The following HHIP variants were observed in gnomAD, a reference collection of about 807,000 sequenced individuals.
The protein encoded by HHIP is hedgehog interacting protein.
HHIP carries 12 observed loss-of-function variants against 74.0 expected under a neutral mutation model. The ratio of observed to expected loss-of-function variants is 0.16; its 90% CI spans 0.10 to 0.26. HHIP has a LOEUF of 0.26. HHIP is among the 10% of genes least tolerant of loss of function. The pLI is 1.00. For missense variants in HHIP, 788 were observed against 845.0 expected (o/e 0.93, Z 0.84); for synonymous variants, 309 against 311.6 (o/e 0.99, Z 0.09).
At chr4:144,666,027 A>C (rs531967153) in intron 4 of HHIP, among the ~76,000 whole-genome samples, 33 of 152,336 alleles carry the variant, frequency 2.2e-4, no homozygotes, top group African/African-American at 7.9e-4. Context: ...TGCCGTCTTT[A>C]AAGGGCATCT....
chr4:144,693,376 G>A (rs1729726259), intron 4 of HHIP, among the ~76,000 whole-genome samples: 1 of 151,852 alleles, frequency 6.6e-6, no homozygotes, highest in East Asian at 1.9e-4. Context: ...CTCAAATTCT[G>A]TCCTTTGATC....
At chr4:144,726,294 C>T (rs566827065) in intron 11 of HHIP, among the ~76,000 whole-genome samples, 1 of 152,136 alleles carries the variant, frequency 6.6e-6, no homozygotes, top group Non-Finnish European at 1.5e-5. Flanking sequence ...TTTCTGATTT[C>T]ATTAAGTCCT....
At chr4:144,726,499 A>C (rs1446734274) in intron 11 of HHIP, among the ~76,000 whole-genome samples, 1 of 152,228 alleles carries the variant, frequency 6.6e-6, no homozygotes, top group African/African-American at 2.4e-5. Context: ...TGAAACAAAA[A>C]TACTGTACCA....
chr4:144,658,651 G>C (rs367613522), intron 2 of HHIP, 139 bp from the exon 3 acceptor site: 4 of 660,300 alleles, frequency 6.1e-6, no homozygotes, highest in Non-Finnish European at 9.9e-6. Context: ...TTACAGGACT[G>C]TTTTTATTTC....
chr4:144,706,617 C>G lies in HHIP; in HGVS notation c.918C>G (p.Asn306Lys), dbSNP rs199625358. The G allele has an allele frequency of 6.2e-7, 1 of 1,613,718 alleles. No individual in the cohort carries two copies. Residue 306 changes from asparagine (N) to lysine (K), a missense_variant, in exon 5 of 13, where the codon AAC becomes AAG. Asn to Lys is a moderately conservative substitution (Grantham distance 94). Around this residue, in one of 3 missense-constraint regions of HHIP, gnomAD observed 373 missense variants for 366.4 expected, o/e 1.02. Coordinates refer to ENST00000296575, the MANE Select transcript of HHIP (RefSeq NM_022475.3). Reference sequence around the variant, plus strand: ...AGTTGTATGTGTCCTATACCACCAACCAAGAACGGTGGGCTATCGGGCCTC... The same window carrying G: ...AGTTGTATGTGTCCTATACCACCAAGCAAGAACGGTGGGCTATCGGGCCTC... ...NGKLYVSYTTNQERWAIGPHD... is the reference protein window; with the variant it reads ...NGKLYVSYTTKQERWAIGPHD...
rs1731313294 is a variant in HHIP at position 144,743,267 on chromosome 4, G to A, written c.*5310G>A. 1 of 151,208 alleles carries A rather than the reference G, an allele frequency of 6.6e-6. No individual in the cohort carries two copies. The highest frequency in any genetic ancestry group is 1.5e-5 in the Non-Finnish European group (1 of 67,806). The allele number at this position is 151,208 out of a possible 1,614,324, so 9.4% of individuals were successfully genotyped here. ...TTTCCTAGCTGCTATGGAAAGGTTTGTTCACTTATGAGATTAGGACTTTTC... is the reference window on the plus strand; with the variant it reads ...TTTCCTAGCTGCTATGGAAAGGTTTATTCACTTATGAGATTAGGACTTTTC... On this transcript the variant is annotated 3_prime_UTR_variant, in exon 13 of 13. Transcript: ENST00000296575.
At chr4:144,672,154 T>A (rs1165274040) in intron 4 of HHIP, among the ~76,000 whole-genome samples, 1 of 152,154 alleles carries the variant, frequency 6.6e-6, no homozygotes, top group African/African-American at 2.4e-5. Flanking sequence ...TCAGAAACTG[T>A]GGGACATACT....
chr4:144,694,524 T>C (rs1056333246), intron 4 of HHIP, among the ~76,000 whole-genome samples: 1 of 151,858 alleles, frequency 6.6e-6, no homozygotes, highest in Non-Finnish European at 1.5e-5. Flanking sequence ...GTGAAGATAA[T>C]GCTTTTAGCT....
chr4:144,738,298 A>G lies in HHIP; in HGVS notation c.*341A>G. ...GAAGAGATTATTTGACTTCCCAGGAATTTTCTGTCTGTAATCACTAAAGTC... is the reference window on the plus strand; with the variant it reads ...GAAGAGATTATTTGACTTCCCAGGAGTTTTCTGTCTGTAATCACTAAAGTC... On this transcript the variant is annotated 3_prime_UTR_variant, in exon 13 of 13. Transcript: ENST00000296575. 1.0e-6 allele frequency: 1 copy of G among 981,476 alleles called. No homozygotes were observed. The allele number at this position is 981,476 out of a possible 1,614,324, so 60.8% of individuals were successfully genotyped here.
At chr4:144,677,907 G>A (rs1464895633) in intron 4 of HHIP, among the ~76,000 whole-genome samples, 3 of 152,074 alleles carry the variant, frequency 2.0e-5, no homozygotes, top group African/African-American at 4.8e-5. Flanking sequence ...TATAAGACGT[G>A]TAGACCCAGA....
rs112668682 is a variant in HHIP, at chr4:144,714,980, G to C, written c.1548-320G>C. 377 of 213,448 alleles carry C rather than the reference G, an allele frequency of 1.8e-3. 3 individuals are homozygous for C. The highest frequency in any genetic ancestry group is 8.2e-3 in the African/African-American group (356 of 43,514). 13.2% of individuals were successfully genotyped at this position (213,448 alleles called of 1,614,324 possible). A position where few individuals can be genotyped will look rare whatever the true frequency, so the allele number is the denominator to read the frequency against. On this transcript the variant is annotated intron_variant, in intron 9 of 12. Transcript: ENST00000296575. ...TGTACTGACCCCATGCTCTTCCCCTGTTCCTCTCTCTGATTAATAGCACAG... is the reference window on the plus strand; with the variant it reads ...TGTACTGACCCCATGCTCTTCCCCTCTTCCTCTCTCTGATTAATAGCACAG...
At chr4:144,681,671 C>T (rs1729348824) in intron 4 of HHIP, among the ~76,000 whole-genome samples, 1 of 152,182 alleles carries the variant, frequency 6.6e-6, no homozygotes, top group Non-Finnish European at 1.5e-5. Context: ...GATCTTCCCG[C>T]CTCGGCCTCC....
intron 4 of HHIP, among the ~76,000 whole-genome samples, chr4:144,670,513 G>T (rs1729005436): frequency 1.3e-5 from 2 of 150,920 alleles, no homozygotes; most frequent in Non-Finnish European, 3.0e-5. Flanking sequence ...AGTAATTGCG[G>T]TTTTTGCCAT....
chr4:144,661,934 AG>A (rs1728726563), intron 4 of HHIP, among the ~76,000 whole-genome samples: 3 of 152,212 alleles, frequency 2.0e-5, no homozygotes, highest in Non-Finnish European at 4.4e-5. Flanking sequence ...CTAAAGTATT[AG>A]TTGCAATACT....
At chr4:144,725,663 C>CGT (rs113672793) in intron 11 of HHIP, among the ~76,000 whole-genome samples, 4,311 of 144,490 alleles carry the variant, frequency 0.03, 181 homozygotes, top group African/African-American at 0.098. Flanking sequence ...TGTGCGCGTG[C>CGT]GTGTGTGTGT....
chr4:144,715,360 T>C lies in HHIP; in HGVS notation c.1608T>C (p.Cys536=). ...VTKQWQEKPL[C]LGTSGSCRGY... ...AGCAGTGGCAAGAAAAACCACTCTG[T>C]CTCGGCACTAGTGGGTCCTGTAGAG... Residue 536 remains cysteine (C), a synonymous_variant, in exon 10 of 13, where the codon TGT becomes TGC. Transcript: ENST00000296575. 6.2e-7 allele frequency: 1 copy of C among 1,613,384 alleles called. No individual in the cohort carries two copies. Among genetic ancestry groups the C allele is most frequent in the Non-Finnish European group, 8.5e-7 (1 of 1,179,420 alleles).
intron 1 of HHIP, 28 bp from the exon 2 acceptor site, chr4:144,652,577 A>T: frequency 1.4e-6 from 2 of 1,461,166 alleles, no homozygotes; most frequent in Non-Finnish European, 1.9e-6. Flanking sequence ...CTACTAAAAA[A>T]AGTTTGCTTC....
chr4:144,700,380 A>C (rs910092990), intron 4 of HHIP, among the ~76,000 whole-genome samples: 7 of 152,228 alleles, frequency 4.6e-5, no homozygotes, highest in African/African-American at 1.7e-4. Context: ...TAAAATATTC[A>C]TGTGGTAGGC....
chr4:144,733,118 A>G (rs901993736), intron 11 of HHIP, among the ~76,000 whole-genome samples: 2 of 152,228 alleles, frequency 1.3e-5, no homozygotes, highest in African/African-American at 4.8e-5. Flanking sequence ...TGGCATAGTC[A>G]TTTAACATTT....
Sources: allele counts gnomAD v4.1 joint callset (sites outside exome capture counted in the v4.1 genomes callset), GRCh38; gene constraint gnomAD v4.1.1; regional missense constraint gnomAD v4.1.1; transcripts MANE v1.5; gene names NCBI Gene and HGNC (gene_info 2026-07-23, HGNC 2026-07-21).